The following RBFOX1 variants were observed in gnomAD, a reference collection of about 807,000 sequenced individuals.
RBFOX1 encodes the protein RNA binding protein fox-1 homolog 1.
Under a neutral mutation model 57.7 loss-of-function variants are expected in RBFOX1, and 8 were observed. The ratio of observed to expected loss-of-function variants is 0.14; its 90% confidence interval spans 0.08 to 0.25. The LOEUF (loss-of-function observed/expected upper bound fraction) is 0.25. RBFOX1 is among the 10% of genes least tolerant of loss of function. The probability of loss-of-function intolerance (pLI) is 1.00; values close to 1 mark genes in which losing one functional copy is unlikely to be tolerated. For synonymous variants in RBFOX1, 326 were observed against 222.4 expected (o/e 1.47, Z -4.15); for missense variants, 611 against 548.5 (o/e 1.11, Z -1.14).
chr16:6,077,470 G>A (rs1006433459), intron 1 of RBFOX1, among the ~76,000 whole-genome samples: 1 of 152,164 alleles, frequency 6.6e-6, no homozygotes, highest in African/African-American at 2.4e-5. Context: ...GGGAGAATGA[G>A]AAAGAAAATC....
At chr16:7,053,588 A>G (rs1316564467) in intron 4 of RBFOX1, among the ~76,000 whole-genome samples, 1 of 152,202 alleles carries the variant, frequency 6.6e-6, no homozygotes, top group Non-Finnish European at 1.5e-5. Flanking sequence ...TCTATTGCAA[A>G]TGACACTTGC....
chr16:5,314,405 T>C (rs1019969899), intron 1 of RBFOX1, among the ~76,000 whole-genome samples: 6 of 152,234 alleles, frequency 3.9e-5, no homozygotes, highest in African/African-American at 1.4e-4. Flanking sequence ...TCTGTCCTTC[T>C]CTTGAGGGAT....
At chr16:6,717,897 C>G (rs973798674) in intron 3 of RBFOX1, among the ~76,000 whole-genome samples, 13 of 152,146 alleles carry the variant, frequency 8.5e-5, no homozygotes, top group Non-Finnish European at 2.9e-5. Flanking sequence ...TACACTGGTT[C>G]CAAGGATCCT....
chr16:6,834,119 C>A (rs1477336469), intron 3 of RBFOX1, among the ~76,000 whole-genome samples: 3 of 151,790 alleles, frequency 2.0e-5, no homozygotes, highest in Non-Finnish European at 2.9e-5. Flanking sequence ...GGCTGGTGTG[C>A]AGTGGTGTGA....
chr16:6,588,522 G>A (rs1199061122), intron 2 of RBFOX1, among the ~76,000 whole-genome samples: 1 of 151,732 alleles, frequency 6.6e-6, no homozygotes, highest in Non-Finnish European at 1.5e-5. Context: ...GTGTGGTGGT[G>A]CACACCCGTA....
intron 2 of RBFOX1, among the ~76,000 whole-genome samples, chr16:6,453,049 C>G (rs2094672868): frequency 2.6e-5 from 4 of 152,164 alleles, no homozygotes; most frequent in Admixed American, 2.6e-4. Flanking sequence ...TCTTATTCCA[C>G]AGGTATGTAT....
chr16:7,603,743 A>G (rs1299121785), intron 9 of RBFOX1, among the ~76,000 whole-genome samples: 1 of 152,212 alleles, frequency 6.6e-6, no homozygotes, highest in Non-Finnish European at 1.5e-5. Context: ...GAAAAAGGGA[A>G]GTGGTACCAA....
At chr16:7,641,705 T>G (rs2062829315) in intron 11 of RBFOX1, among the ~76,000 whole-genome samples, 1 of 152,194 alleles carries the variant, frequency 6.6e-6, no homozygotes, top group African/African-American at 2.4e-5. Flanking sequence ...TACAGCATTT[T>G]TCTTGAGCTA....
chr16:5,742,236 C>T (rs1051247806), intron 3 of RBFOX1, among the ~76,000 whole-genome samples: 6 of 83,734 alleles, frequency 7.2e-5, no homozygotes, highest in Admixed American at 4.4e-4. Context: ...TCCTTCCTTC[C>T]TCCCTTCCTT....
At chr16:7,455,937 T>A (rs1259340460) in intron 4 of RBFOX1, among the ~76,000 whole-genome samples, 1 of 152,178 alleles carries the variant, frequency 6.6e-6, no homozygotes, top group African/African-American at 2.4e-5. Context: ...TAGGTAAATA[T>A]TATTAATGTC....
intron 3 of RBFOX1, among the ~76,000 whole-genome samples, chr16:5,774,124 C>T (rs1207517510): frequency 6.6e-6 from 1 of 152,162 alleles, no homozygotes; most frequent in Non-Finnish European, 1.5e-5. Context: ...TCACGTGCAT[C>T]ATGAGTTAGC....
At chr16:6,063,495 A>G (rs919944450) in intron 1 of RBFOX1, among the ~76,000 whole-genome samples, 1 of 114,000 alleles carries the variant, frequency 8.8e-6, no homozygotes, top group African/African-American at 3.1e-5. Context: ...ACACACACAC[A>G]CACACACACA....
chr16:7,642,881 C>A (rs2063079068), intron 11 of RBFOX1, among the ~76,000 whole-genome samples: 1 of 152,188 alleles, frequency 6.6e-6, no homozygotes, highest in African/African-American at 2.4e-5. Context: ...GTTAAACACT[C>A]CAAGACTGAG....
intron 3 of RBFOX1, among the ~76,000 whole-genome samples, chr16:6,902,904 G>A (rs2068835157): frequency 6.6e-6 from 1 of 152,150 alleles, no homozygotes; most frequent in South Asian, 2.1e-4. Context: ...TTTAGGCCAA[G>A]TATTGAAGAT....
chr16:7,339,314 T>C lies in RBFOX1; in HGVS notation c.28-178833T>C, dbSNP rs112331624. On this transcript the variant is annotated intron_variant, in intron 4 of 15. Transcript: ENST00000550418. ...TGTGAACTAGGACTAGGTGATGTGG[T>C]AGAATAGAACACACTCTAGATCTCT... Among the ~76,000 whole-genome samples the C allele has an allele frequency of 7.2e-3, 1,099 of 152,326 alleles. 11 individuals are homozygous for C. The highest frequency in any genetic ancestry group is 0.034 in the Middle Eastern group (10 of 294).
intron 3 of RBFOX1, among the ~76,000 whole-genome samples, chr16:7,038,155 C>T (rs765359938): frequency 1.3e-5 from 2 of 151,792 alleles, no homozygotes; most frequent in Admixed American, 6.6e-5. Context: ...CTGAGATGCT[C>T]ATTCTACACA....
intron 2 of RBFOX1, among the ~76,000 whole-genome samples, chr16:6,382,273 G>T (rs925413693): frequency 6.6e-6 from 1 of 152,166 alleles, no homozygotes; most frequent in Non-Finnish European, 1.5e-5. Context: ...AGCATAGTTT[G>T]TTGGTCCCGT....
At chr16:5,496,915 A>G (rs1597302682) in intron 2 of RBFOX1, among the ~76,000 whole-genome samples, 1 of 152,370 alleles carries the variant, frequency 6.6e-6, no homozygotes, top group East Asian at 1.9e-4. Flanking sequence ...TCCATGAGTA[A>G]TAATTACATT....
At chr16:7,410,281 C>T (rs911498825) in intron 4 of RBFOX1, among the ~76,000 whole-genome samples, 3 of 152,208 alleles carry the variant, frequency 2.0e-5, no homozygotes, top group Admixed American at 6.5e-5. Context: ...CTGTCTATTA[C>T]AGATACTGTT....
Sources: allele counts gnomAD v4.1 joint callset (sites outside exome capture counted in the v4.1 genomes callset), GRCh38; gene constraint gnomAD v4.1.1; transcripts MANE v1.5; gene names NCBI Gene and HGNC (gene_info 2026-07-23, HGNC 2026-07-21).